ZMAT3: variants seen among roughly 807,000 people sequenced by gnomAD.
ZMAT3 encodes zinc finger matrin-type protein 3.
A neutral mutation model predicts 32.3 loss-of-function variants in ZMAT3; 17 were observed. The observed-to-expected ratio is 0.53, with a 90% confidence interval of 0.36 to 0.79. The LOEUF is 0.79. Among genes scored for constraint, ZMAT3 ranks in the 30% least tolerant of loss-of-function variants. The pLI, the probability that ZMAT3 is intolerant of heterozygous loss-of-function variation, is 0.00. For missense variants in ZMAT3, 329 were observed against 359.7 expected, an observed-to-expected ratio of 0.91 and a Z score of 0.69; for synonymous variants, 120 against 133.1, an observed-to-expected ratio of 0.90 and a Z score of 0.68.
chr3:179,032,217 T>C (rs1253800563), intron 2 of ZMAT3, among the ~76,000 whole-genome samples: 1 of 151,756 alleles, frequency 6.6e-6, no homozygotes, highest in Non-Finnish European at 1.5e-5. Flanking sequence ...TTGGCCGGGC[T>C]GGTCTCCAGC....
chr3:179,033,180 C>T (rs1576843851), intron 2 of ZMAT3, among the ~76,000 whole-genome samples: 1 of 152,312 alleles, frequency 6.6e-6, no homozygotes, highest in East Asian at 1.9e-4. Flanking sequence ...TAATCTATAA[C>T]CTTACCCCCA....
chr3:179,026,253 T>TC (rs1718861119), intron 5 of ZMAT3, among the ~76,000 whole-genome samples: 1 of 152,130 alleles, frequency 6.6e-6, no homozygotes, highest in South Asian at 2.1e-4. Flanking sequence ...AATACAGCTA[T>TC]CCCAGCTTCT....
intron 1 of ZMAT3, among the ~76,000 whole-genome samples, chr3:179,071,088 AT>A (rs1234986667): frequency 1.3e-5 from 2 of 151,748 alleles, no homozygotes; most frequent in Admixed American, 1.3e-4. Context: ...GTTAAAAAAA[AT>A]AATAATAATA....
In ZMAT3 at chr3:179,024,902, T is replaced by C. The variant is rs4607155; in HGVS notation, c.*115A>G. On this transcript the variant is annotated 3_prime_UTR_variant, in exon 6 of 6. Coordinates refer to ENST00000311417, the MANE Select transcript of ZMAT3 (RefSeq NM_022470.4). ...TCTCATGGTACCACTGTGGGTTACA[T>C]GTATTAACATTAAGCAGAGGAATGT... 752,009 of 950,708 alleles carry C rather than the reference T, an allele frequency of 0.79. 296,904 individuals carry two copies. Among genetic ancestry groups the C allele is most frequent in the East Asian group, 0.95 (35,487 of 37,534 alleles). 58.9% of individuals were successfully genotyped at this position (950,708 alleles called of 1,614,324 possible).
chr3:179,068,249 G>A (rs1576883161), intron 1 of ZMAT3, among the ~76,000 whole-genome samples: 1 of 152,202 alleles, frequency 6.6e-6, no homozygotes, highest in African/African-American at 2.4e-5. Flanking sequence ...GCTCACGCCT[G>A]TAATCCCAGC....
chr3:179,071,416 C>T (rs760634277), intron 1 of ZMAT3, 179 bp downstream of exon 1: 4 of 152,342 alleles, frequency 2.6e-5, no homozygotes, highest in Admixed American at 2.0e-4. Flanking sequence ...CAGCTGCACG[C>T]ACAGATGATC....
At chr3:179,042,341 C>A (rs1449109877) in intron 2 of ZMAT3, among the ~76,000 whole-genome samples, 6 of 152,174 alleles carry the variant, frequency 3.9e-5, no homozygotes, top group Non-Finnish European at 1.5e-5. Context: ...TACTGGCAAA[C>A]CGAATCCAGC....
intron 4 of ZMAT3, 47 bp downstream of exon 4, chr3:179,027,599 T>G (rs370758337): frequency 6.2e-7 from 1 of 1,613,852 alleles, no homozygotes; most frequent in Non-Finnish European, 8.5e-7. Context: ...TTAAAGACAG[T>G]CAATCTCACA....
intron 2 of ZMAT3, among the ~76,000 whole-genome samples, chr3:179,053,594 C>T (rs772587591): frequency 6.6e-6 from 1 of 152,158 alleles, no homozygotes; most frequent in Non-Finnish European, 1.5e-5. Context: ...AAAGGAGAAC[C>T]ATGGCAGGCA....
chr3:179,041,599 T>C (rs1265787337), intron 2 of ZMAT3, among the ~76,000 whole-genome samples: 2 of 152,116 alleles, frequency 1.3e-5, no homozygotes, highest in Non-Finnish European at 2.9e-5. Context: ...TAGAGGGAAA[T>C]TTATAGCACT....
rs1553798348 is a variant in ZMAT3, at chr3:179,023,710, A to ATATATATATTTATATATTT, written c.*1306_*1307insAAATATATAAATATATATA. On this transcript the variant is annotated 3_prime_UTR_variant, in exon 6 of 6. Coordinates refer to ENST00000311417, the MANE Select transcript of ZMAT3 (RefSeq NM_022470.4). ...GGAAAATATATCTATATATATATATATTTTTTTTTTTTTTTTTTTTTTTTT... is the reference window on the plus strand; with the variant it reads ...GGAAAATATATCTATATATATATATATATATATATTTATATATTTTTTTTTTTTTTTTTTTTTTTTTTTT... The ATATATATATTTATATATTT allele has an allele frequency of 4.0e-5, 1 of 25,072 alleles. No individual in the cohort carries two copies. Among genetic ancestry groups the ATATATATATTTATATATTT allele is most frequent in the Non-Finnish European group, 6.0e-5 (1 of 16,732 alleles). The allele number at this position is 25,072 out of a possible 1,614,324, so 1.6% of individuals were successfully genotyped here.
intron 2 of ZMAT3, among the ~76,000 whole-genome samples, chr3:179,053,639 A>T (rs554568942): frequency 1.3e-5 from 2 of 152,258 alleles, no homozygotes; most frequent in Non-Finnish European, 2.9e-5. Flanking sequence ...TAACAGCACC[A>T]GTAATACAAG....
At chr3:179,065,059 A>G (rs745754900) in intron 2 of ZMAT3, among the ~76,000 whole-genome samples, 3 of 152,212 alleles carry the variant, frequency 2.0e-5, no homozygotes, top group Non-Finnish European at 2.9e-5. Context: ...AAGAGTTACC[A>G]ATAACATCAG....
Position 179,046,329 on chromosome 3 carries a change from T to C in ZMAT3, c.271-15330A>G, listed in dbSNP as rs936336647. Among the ~76,000 whole-genome samples the C allele has an allele frequency of 5.3e-5, 8 of 152,100 alleles. No homozygotes were observed. Among genetic ancestry groups the C allele is most frequent in the African/African-American group, 1.4e-4 (6 of 41,408 alleles). ...AGCAGATATTGCATCCACAACATAA[T>C]GATACTAATGGCAACTAAGAAAAGT... On this transcript the variant is annotated intron_variant, in intron 2 of 5. Transcript: ENST00000311417. The surrounding 1 kb of genome is among the most constrained non-coding windows in gnomAD (Gnocchi z 4.3).
At chr3:179,030,800 C>T (rs529705646) in intron 3 of ZMAT3, 80 bp downstream of exon 3, 42 of 1,524,298 alleles carry the variant, frequency 2.8e-5, no homozygotes, top group African/African-American at 1.4e-4. Flanking sequence ...GACACATGGA[C>T]GACAAATGTC....
intron 2 of ZMAT3, among the ~76,000 whole-genome samples, chr3:179,049,765 G>A (rs1188985972): frequency 6.6e-6 from 1 of 152,108 alleles, no homozygotes; most frequent in African/African-American, 2.4e-5. Flanking sequence ...GGCCAAGGCA[G>A]GCGGATCACG....
chr3:179,061,599 C>T (rs567506470), intron 2 of ZMAT3, among the ~76,000 whole-genome samples: 2 of 150,588 alleles, frequency 1.3e-5, no homozygotes, highest in Non-Finnish European at 1.5e-5. Flanking sequence ...TTTTTAAGTA[C>T]CAGAAACTCA....
chr3:179,031,178 G>A (rs1051367925), intron 2 of ZMAT3, among the ~76,000 whole-genome samples, 179 bp from the exon 3 acceptor site: 2 of 150,542 alleles, frequency 1.3e-5, no homozygotes, highest in Admixed American at 6.6e-5. Flanking sequence ...ATTAATTATT[G>A]TTGTTATTCT....
rs9876325 is a variant in ZMAT3, at chr3:179,046,078, G to A, written c.271-15079C>T. ...GAAATCCGGCATGCAGCTAGACAGA[G>A]AAATGGGATCATTTCCCTTTGAAAT... On this transcript the variant is annotated intron_variant, in intron 2 of 5. Transcript: ENST00000311417. The surrounding 1 kb of genome is among the most constrained non-coding windows in gnomAD (Gnocchi z 4.3). 0.015 allele frequency among the ~76,000 whole-genome samples: 2,263 copies of A among 152,284 alleles called. 56 individuals carry two copies. The highest frequency in any genetic ancestry group is 0.052 in the African/African-American group (2,146 of 41,546).
Sources: gnomAD v4.1 joint callset for allele counts (sites outside exome capture counted in the v4.1 genomes callset) on GRCh38, gnomAD v4.1.1 for gene constraint, Gnocchi (gnomAD v3.1) non-coding constraint, MANE v1.5 for transcripts, NCBI Gene and HGNC (gene_info 2026-07-23, HGNC 2026-07-21) for gene names.